The following MAML3 variants were observed in gnomAD, a reference collection of about 807,000 sequenced individuals.
MAML3 encodes mastermind like transcriptional coactivator 3.
A neutral mutation model predicts 101.9 loss-of-function variants in MAML3; 27 were observed. That is an observed-to-expected ratio of 0.27 (90% confidence interval 0.20 to 0.37). The LOEUF (loss-of-function observed/expected upper bound fraction) is 0.37. MAML3 is among the 10% of genes least tolerant of loss of function. The probability of loss-of-function intolerance (pLI) is 1.00; values close to 1 mark genes in which losing one functional copy is unlikely to be tolerated. For synonymous variants in MAML3, 501 were observed against 555.9 expected (o/e 0.90, Z 1.39); for missense variants, 1,316 against 1,444.9 (o/e 0.91, Z 1.45).
At chr4:139,900,748 A>G (rs1329897668) in intron 1 of MAML3, among the ~76,000 whole-genome samples, 18 of 152,242 alleles carry the variant, frequency 1.2e-4, no homozygotes, top group Admixed American at 1.2e-3. Flanking sequence ...TTTCAGTAGA[A>G]TGCTCTAAAC....
In MAML3 at chr4:139,889,416, T is replaced by C; in HGVS notation, c.2020A>G (p.Lys674Glu). The change falls in exon 2 of 5, where the codon AAG (lysine) becomes GAG (glutamate). Residue 674 changes from lysine (K) to glutamate (E), a missense_variant. Physicochemically the swap from Lys to Glu is moderately conservative, Grantham distance 56. Coordinates refer to ENST00000509479, the MANE Select transcript of MAML3 (RefSeq NM_018717.5). ...SEDQKRLLLM[K>E]QKGVMNQPMA... ...GGCTGATTCATCACTCCTTTCTGCTTCATGAGAAGCAGGCGTTTCTGGTCT... is the reference window on the plus strand; with the variant it reads ...GGCTGATTCATCACTCCTTTCTGCTCCATGAGAAGCAGGCGTTTCTGGTCT... 1 of 1,614,054 alleles carries C rather than the reference T, an allele frequency of 6.2e-7. No homozygotes were observed.
intron 1 of MAML3, among the ~76,000 whole-genome samples, chr4:140,037,751 G>A (rs1043120248): frequency 6.6e-6 from 1 of 152,158 alleles, no homozygotes; most frequent in African/African-American, 2.4e-5. Context: ...TGACCCTAAG[G>A]TACGTGTATT....
At chr4:139,985,336 T>A (rs1015938990) in intron 1 of MAML3, among the ~76,000 whole-genome samples, 1 of 152,232 alleles carries the variant, frequency 6.6e-6, no homozygotes, top group African/African-American at 2.4e-5. Context: ...AAGGAAAACC[T>A]GATCATGACC....
At chr4:139,969,300 G>A (rs1358296578) in intron 1 of MAML3, among the ~76,000 whole-genome samples, 1 of 151,624 alleles carries the variant, frequency 6.6e-6, no homozygotes, top group Non-Finnish European at 1.5e-5. Context: ...AGATAGAGAG[G>A]CAGGGCACGG....
intron 1 of MAML3, among the ~76,000 whole-genome samples, chr4:140,069,704 G>C (rs561784171): frequency 1.3e-5 from 2 of 151,736 alleles, no homozygotes; most frequent in East Asian, 3.9e-4. Flanking sequence ...AGAAGAAGAA[G>C]GAGGAAGAAA....
chr4:139,951,283 T>A (rs1733827674), intron 1 of MAML3, among the ~76,000 whole-genome samples: 2 of 152,178 alleles, frequency 1.3e-5, no homozygotes, highest in South Asian at 4.1e-4. Context: ...CACGCTGCCT[T>A]CAGTGTTGAC....
At chr4:139,775,815 C>T (rs576823938) in intron 2 of MAML3, among the ~76,000 whole-genome samples, 2 of 152,254 alleles carry the variant, frequency 1.3e-5, no homozygotes, top group East Asian at 3.9e-4. Flanking sequence ...TTTCTTTCTG[C>T]TACACTCAGG....
At chr4:140,011,123 A>G (rs62347774) in intron 1 of MAML3, among the ~76,000 whole-genome samples, 50,433 of 115,000 alleles carry the variant, frequency 0.44, 11,661 homozygotes, top group East Asian at 0.63. Flanking sequence ...GTGTGTGTGT[A>G]TATATATATA....
intron 1 of MAML3, among the ~76,000 whole-genome samples, chr4:139,989,874 CACACACACAGAG>C (rs56834976): frequency 0.41 from 55,787 of 134,854 alleles, 11,293 homozygotes; most frequent in East Asian, 0.62. Flanking sequence ...CACACACACA[CACACACACAGAG>C]AGAGAGAGAG....
chr4:139,832,292 T>G (rs1040296371), intron 2 of MAML3, among the ~76,000 whole-genome samples: 3 of 142,968 alleles, frequency 2.1e-5, no homozygotes, highest in African/African-American at 8.8e-5. Flanking sequence ...ATTTTTATTT[T>G]TAGTAGACAG....
At chr4:139,977,919 T>C (rs1734376462) in intron 1 of MAML3, among the ~76,000 whole-genome samples, 1 of 151,978 alleles carries the variant, frequency 6.6e-6, no homozygotes, top group Admixed American at 6.6e-5. Context: ...AAAAGGATCT[T>C]CTATGCTCTT....
chr4:139,971,493 A>G (rs1412497523), intron 1 of MAML3, among the ~76,000 whole-genome samples: 1 of 152,220 alleles, frequency 6.6e-6, no homozygotes. Context: ...AAATTCAGAA[A>G]TACAATAGCA....
intron 2 of MAML3, among the ~76,000 whole-genome samples, chr4:139,808,622 G>C (rs1730740267): frequency 6.6e-6 from 1 of 152,116 alleles, no homozygotes; most frequent in African/African-American, 2.4e-5. Context: ...CAATGGATAA[G>C]CCTAACAAAG....
intron 1 of MAML3, among the ~76,000 whole-genome samples, chr4:140,054,135 C>T (rs1045350281): frequency 1.8e-4 from 27 of 152,044 alleles, no homozygotes; most frequent in Non-Finnish European, 3.5e-4. Flanking sequence ...TTTGGGAGGC[C>T]GGAACAGGCA....
chr4:139,850,081 T>G (rs1224054094), intron 2 of MAML3, among the ~76,000 whole-genome samples: 1 of 152,186 alleles, frequency 6.6e-6, no homozygotes, highest in Non-Finnish European at 1.5e-5. Context: ...GACACTAAAT[T>G]TTATTCAATT....
intron 1 of MAML3, among the ~76,000 whole-genome samples, chr4:140,028,950 T>A (rs2276908): frequency 0.57 from 86,316 of 152,000 alleles, 25,847 homozygotes; most frequent in African/African-American, 0.72. Flanking sequence ...ATTTTTGCAC[T>A]GTTGTCATTG....
chr4:139,983,108 A>G (rs1734475978), intron 1 of MAML3, among the ~76,000 whole-genome samples: 1 of 152,144 alleles, frequency 6.6e-6, no homozygotes, highest in African/African-American at 2.4e-5. Flanking sequence ...GACCTCCTAA[A>G]TATTTTGTTT....
chr4:139,958,100 A>G (rs972949622), intron 1 of MAML3, among the ~76,000 whole-genome samples: 3 of 152,224 alleles, frequency 2.0e-5, no homozygotes, highest in Admixed American at 1.3e-4. Flanking sequence ...TAAAATGAAG[A>G]TAAGGGATTC....
rs1410398942 is a variant in MAML3 at position 140,109,571 on chromosome 4, G to C, written c.468+43289C>G. 2.0e-5 allele frequency among the ~76,000 whole-genome samples: 3 copies of C among 152,120 alleles called. No individual in the cohort carries two copies. In the East Asian group the frequency reaches 5.8e-4, roughly 29 times the overall value. ...AGACAGCCACGCAACACCCAGAAAC[G>C]ATTTCTTCTTTTAATAGTCCACTTT... On this transcript the variant is annotated intron_variant, in intron 1 of 4. Transcript: ENST00000509479.
Sources: allele counts gnomAD v4.1 joint callset (sites outside exome capture counted in the v4.1 genomes callset), GRCh38; gene constraint gnomAD v4.1.1; transcripts MANE v1.5; gene names NCBI Gene and HGNC (gene_info 2026-07-23, HGNC 2026-07-21).